Variants in EFCAB13 observed in about 807,000 individuals in gnomAD.
EFCAB13 encodes EF-hand calcium binding domain 13, also known as EF-hand calcium-binding domain-containing protein 13.
A neutral mutation model predicts 110.2 loss-of-function variants in EFCAB13; 91 were observed. The observed-to-expected ratio is 0.83, with a 90% confidence interval of 0.70 to 0.98. The LOEUF (loss-of-function observed/expected upper bound fraction) is 0.98. EFCAB13 is among the 50% of genes least tolerant of loss of function. The probability of loss-of-function intolerance (pLI) is 0.00; values close to 1 mark genes in which losing one functional copy is unlikely to be tolerated. For synonymous variants in EFCAB13, 323 were observed against 369.9 expected, an observed-to-expected ratio of 0.87 and a Z score of 1.45; for missense variants, 968 against 1,119.4, an observed-to-expected ratio of 0.86 and a Z score of 1.93.
intron 6 of EFCAB13, 67 bp from the exon 7 acceptor site, chr17:47,344,095 C>T: frequency 1.3e-6 from 2 of 1,500,044 alleles, no homozygotes; most frequent in African/African-American, 1.4e-5. Flanking sequence ...AGAGTTGTAT[C>T]ATCCAAGAAT....
At chr17:47,328,588 T>A (rs2065301475) in intron 4 of EFCAB13, among the ~76,000 whole-genome samples, 1 of 152,196 alleles carries the variant, frequency 6.6e-6, no homozygotes, top group Non-Finnish European at 1.5e-5. Flanking sequence ...CTGAGAGATC[T>A]TCTGTGGTGT....
At chr17:47,396,980 G>C (rs1053189320) in intron 17 of EFCAB13, among the ~76,000 whole-genome samples, 2 of 151,954 alleles carry the variant, frequency 1.3e-5, no homozygotes, top group African/African-American at 4.8e-5. Context: ...GACCAACAAA[G>C]TATTATTTTA....
chr17:47,400,281 T>G (rs186645363), intron 17 of EFCAB13, among the ~76,000 whole-genome samples: 1 of 152,338 alleles, frequency 6.6e-6, no homozygotes, highest in East Asian at 1.9e-4. Context: ...TGGCATCAGC[T>G]GTGATTAATC....
intron 14 of EFCAB13, among the ~76,000 whole-genome samples, chr17:47,385,804 T>A (rs1425038781): frequency 6.6e-6 from 1 of 152,124 alleles, no homozygotes; most frequent in East Asian, 1.9e-4. Context: ...GATCTTTGGA[T>A]GGTGTTTCTG....
chr17:47,379,128 G>A, intron 13 of EFCAB13, 54 bp from the exon 14 acceptor site: 1 of 1,338,734 alleles, frequency 7.5e-7, no homozygotes, highest in Non-Finnish European at 1.1e-6. Context: ...ATGTAAATTT[G>A]CCTTTATGCA....
rs181970260 is a variant in EFCAB13 at position 47,404,545 on chromosome 17, C to T, written c.2162-17C>T. ...GTCTAGGGGTTCTTGTTTGTCATCT[C>T]TCTCTTTTCCTTGCAGAAGATAACA... On this transcript the variant is annotated splice_polypyrimidine_tract_variant and intron_variant, in intron 19 of 24. Transcript: ENST00000331493. 8 of 1,606,622 alleles carry T rather than the reference C, an allele frequency of 5.0e-6. No homozygotes were observed. Among genetic ancestry groups the T allele is most frequent in the Non-Finnish European group, 6.0e-6 (7 of 1,175,450 alleles).
chr17:47,377,593 G>A (rs1231251674), intron 12 of EFCAB13, 173 bp from the exon 13 acceptor site: 11 of 446,928 alleles, frequency 2.5e-5, no homozygotes, highest in East Asian at 1.2e-4. Context: ...GTAAGAGAAA[G>A]ATTAAATATA....
intron 4 of EFCAB13, among the ~76,000 whole-genome samples, chr17:47,331,275 A>G (rs1463625682): frequency 6.6e-6 from 1 of 152,018 alleles, no homozygotes; most frequent in African/African-American, 2.4e-5. Context: ...TCTGAATTTA[A>G]TTAGGTCTCA....
At chr17:47,326,450 C>T (rs1263470205) in intron 3 of EFCAB13, 63 bp downstream of exon 3, 1 of 152,138 alleles carries the variant, frequency 6.6e-6, no homozygotes, top group East Asian at 1.9e-4. Flanking sequence ...TTTTCCCCTC[C>T]CTCCATACCA....
chr17:47,414,799 A>C, intron 22 of EFCAB13, 49 bp from the exon 23 acceptor site: 1 of 1,232,710 alleles, frequency 8.1e-7, no homozygotes, highest in South Asian at 1.3e-5. Context: ...TCATGTGCCA[A>C]TTCAGTATCA....
intron 10 of EFCAB13, among the ~76,000 whole-genome samples, chr17:47,368,548 C>T (rs1473911053): frequency 6.6e-6 from 1 of 152,202 alleles, no homozygotes; most frequent in African/African-American, 2.4e-5. Context: ...AGATGGATGA[C>T]TGCTGTTCAA....
chr17:47,432,184 G>C (rs903723601), intron 24 of EFCAB13, among the ~76,000 whole-genome samples: 1 of 152,006 alleles, frequency 6.6e-6, no homozygotes, highest in Non-Finnish European at 1.5e-5. Context: ...GGTGGATCAC[G>C]AGGTCAGATC....
In EFCAB13 at chr17:47,412,924, T is replaced by C; in HGVS notation, c.2422+8T>C. The C allele has an allele frequency of 1.3e-6, 2 of 1,593,358 alleles. No individual in the cohort carries two copies. Among genetic ancestry groups the C allele is most frequent in the Non-Finnish European group, 8.5e-7 (1 of 1,169,702 alleles). Reference sequence around the variant, plus strand: ...ACTGTTGTAACGTCAGTGGTGAGCATTTTTTTGGCCTGAGATTCTTTTCAT... The same window carrying C: ...ACTGTTGTAACGTCAGTGGTGAGCACTTTTTTGGCCTGAGATTCTTTTCAT... On this transcript the variant is annotated splice_region_variant and intron_variant, in intron 22 of 24. Coordinates refer to ENST00000331493, the MANE Select transcript of EFCAB13 (RefSeq NM_152347.5).
chr17:47,440,914 A>G lies in EFCAB13; in HGVS notation c.*200A>G. ...TTTAAACATTCATGCTTTTTGAGGT[A>G]TAATGTACATATGGCAAAATTCACT... On this transcript the variant is annotated 3_prime_UTR_variant, in exon 25 of 25. Coordinates refer to ENST00000331493, the MANE Select transcript of EFCAB13 (RefSeq NM_152347.5). 2.4e-6 allele frequency: 1 copy of G among 415,980 alleles called. No individual in the cohort carries two copies. The highest frequency in any genetic ancestry group is 4.2e-5 in the Admixed American group (1 of 23,872). 25.8% of individuals were successfully genotyped at this position (415,980 alleles called of 1,614,324 possible).
chr17:47,368,260 G>T (rs1050277481), intron 10 of EFCAB13, among the ~76,000 whole-genome samples: 1 of 152,208 alleles, frequency 6.6e-6, no homozygotes, highest in African/African-American at 2.4e-5. Flanking sequence ...TGAGAATGGT[G>T]GTCTTTGTCA....
chr17:47,340,835 C>T (rs972500018), intron 5 of EFCAB13, among the ~76,000 whole-genome samples: 3 of 144,994 alleles, frequency 2.1e-5, no homozygotes, highest in African/African-American at 2.6e-5. Flanking sequence ...AGGCTAGTCC[C>T]GAACTCCCAA....
intron 17 of EFCAB13, among the ~76,000 whole-genome samples, chr17:47,397,754 A>G (rs941250474): frequency 2.7e-5 from 4 of 145,994 alleles, no homozygotes; most frequent in African/African-American, 1.0e-4. Context: ...CCGTCTGAGA[A>G]GTGAGGAGAC....
At chr17:47,351,334 T>C in intron 9 of EFCAB13, among the ~76,000 whole-genome samples, 1 of 85,848 alleles carries the variant, frequency 1.2e-5, no homozygotes, top group African/African-American at 5.7e-5. Flanking sequence ...CGCGCCACGT[T>C]TTCTTTATCC....
Position 47,431,286 on chromosome 17 carries a change from T to C in EFCAB13, c.2638+1325T>C, listed in dbSNP as rs1363495780. Among the ~76,000 whole-genome samples the C allele has an allele frequency of 1.3e-5, 2 of 152,054 alleles. No individual in the cohort carries two copies. The highest frequency in any genetic ancestry group is 2.9e-5 in the Non-Finnish European group (2 of 67,978). ...TATATCCTAACATCTATTTTTTCTT[T>C]GTTTTTTTTTAACTCTTTTTTTTCC... On this transcript the variant is annotated intron_variant, in intron 24 of 24. Transcript: ENST00000331493. This position sits in a 1 kb window ranked among gnomAD's most constrained non-coding sequence, Gnocchi z 4.1.
Sources: gnomAD v4.1 joint callset for allele counts (sites outside exome capture counted in the v4.1 genomes callset) on GRCh38, gnomAD v4.1.1 for gene constraint, Gnocchi (gnomAD v3.1) non-coding constraint, MANE v1.5 for transcripts, NCBI Gene and HGNC (gene_info 2026-07-23, HGNC 2026-07-21) for gene names.